The following TMEM17 variants were observed in gnomAD, a reference collection of about 807,000 sequenced individuals.
TMEM17 encodes transmembrane protein 17.
TMEM17 carries 15 observed loss-of-function variants against 19.1 expected under a neutral mutation model. The ratio of observed to expected loss-of-function variants is 0.78; its 90% CI spans 0.52 to 1.21. TMEM17 has a LOEUF of 1.21. TMEM17 is among the 50% of genes most tolerant of loss of function. The pLI, the probability that TMEM17 is intolerant of heterozygous loss-of-function variation, is 0.00. For synonymous variants in TMEM17, 103 were observed against 86.9 expected, an observed-to-expected ratio of 1.19 and a Z score of -1.03; for missense variants, 245 against 242.3, an observed-to-expected ratio of 1.01 and a Z score of -0.07.
the TMEM17 span, among the ~76,000 whole-genome samples, chr2:62,469,741 A>C: frequency 1.3e-5 from 2 of 152,216 alleles, no homozygotes; most frequent in Admixed American, 6.5e-5. Context: ...TGAGCATAGG[A>C]AAGTGTGCAA....
intron 1 of TMEM17, among the ~76,000 whole-genome samples, chr2:62,504,583 C>G (rs141773070): frequency 1.3e-5 from 2 of 152,216 alleles, no homozygotes; most frequent in East Asian, 3.9e-4. Context: ...AAATGAAAAT[C>G]AAATTAATAT....
At chr2:62,482,495 C>T in the TMEM17 span, among the ~76,000 whole-genome samples, 1 of 152,178 alleles carries the variant, frequency 6.6e-6, no homozygotes. Flanking sequence ...GGGAACTCAT[C>T]CAGTGCAGTT....
At chr2:62,472,047 G>A in the TMEM17 span, among the ~76,000 whole-genome samples, 3 of 152,204 alleles carry the variant, frequency 2.0e-5, no homozygotes, top group African/African-American at 7.2e-5. Context: ...CAACCTTGGC[G>A]GGGTTTCAGC....
the TMEM17 span, among the ~76,000 whole-genome samples, chr2:62,478,696 A>G: frequency 6.6e-6 from 1 of 152,166 alleles, no homozygotes; most frequent in Non-Finnish European, 1.5e-5. Flanking sequence ...TATTTCATGT[A>G]CTATGCTTCT....
intron 1 of TMEM17, among the ~76,000 whole-genome samples, chr2:62,505,652 C>T (rs1423733144): frequency 1.3e-5 from 2 of 152,232 alleles, no homozygotes; most frequent in East Asian, 3.8e-4. Context: ...GGCAAAACAA[C>T]TTGGGCCTTC....
the TMEM17 span, among the ~76,000 whole-genome samples, chr2:62,478,759 T>TAA: frequency 0.01 from 1,558 of 149,404 alleles, 30 homozygotes; most frequent in African/African-American, 0.036. Context: ...TTTCTTTATT[T>TAA]AAAAAAAAAA....
At chr2:62,465,688 A>G in the TMEM17 span, among the ~76,000 whole-genome samples, 1 of 152,160 alleles carries the variant, frequency 6.6e-6, no homozygotes, top group Non-Finnish European at 1.5e-5. Context: ...GTGCTCAAGA[A>G]GTTTGTTTTA....
chr2:62,455,022 A>G, the TMEM17 span, among the ~76,000 whole-genome samples: 1 of 152,168 alleles, frequency 6.6e-6, no homozygotes, highest in African/African-American at 2.4e-5. Flanking sequence ...AGCTTTATTG[A>G]AGGTCCAATT....
downstream of TMEM17, among the ~76,000 whole-genome samples, chr2:62,499,231 T>C (rs1427567750): frequency 6.6e-6 from 1 of 152,156 alleles, no homozygotes; most frequent in Non-Finnish European, 1.5e-5. Context: ...TTGTTATTAA[T>C]CTCTTAATTT....
chr2:62,503,301 C>A (rs1272304987), intron 1 of TMEM17, among the ~76,000 whole-genome samples: 1 of 152,200 alleles, frequency 6.6e-6, no homozygotes, highest in African/African-American at 2.4e-5. Context: ...TCAGTGTCAT[C>A]TTTTCCATCA....
chr2:62,483,599 A>ATTT, the TMEM17 span, among the ~76,000 whole-genome samples: 14 of 134,254 alleles, frequency 1.0e-4, no homozygotes, highest in Middle Eastern at 7.8e-3. Flanking sequence ...CCCAGGATAC[A>ATTT]TTTTTTTTTT....
the TMEM17 span, among the ~76,000 whole-genome samples, chr2:62,484,255 G>A: frequency 6.6e-6 from 1 of 152,220 alleles, no homozygotes; most frequent in South Asian, 2.1e-4. Context: ...GCGCTTTCCT[G>A]TTCCAGGGGT....
chr2:62,483,953 CA>C, the TMEM17 span, among the ~76,000 whole-genome samples: 3 of 152,080 alleles, frequency 2.0e-5, no homozygotes, highest in Non-Finnish European at 4.4e-5. Context: ...AGTCACCTCA[CA>C]AGGAAAGGAG....
chr2:62,456,536 C>T, the TMEM17 span, among the ~76,000 whole-genome samples: 1 of 152,238 alleles, frequency 6.6e-6, no homozygotes, highest in African/African-American at 2.4e-5. Flanking sequence ...AATCTCCCCA[C>T]TCAAGGGCTT....
At chr2:62,481,580 G>A in the TMEM17 span, among the ~76,000 whole-genome samples, 2 of 152,082 alleles carry the variant, frequency 1.3e-5, no homozygotes, top group South Asian at 4.2e-4. Flanking sequence ...GTCACACATG[G>A]CCTTTATTGT....
chr2:62,471,126 G>A, the TMEM17 span, among the ~76,000 whole-genome samples: 4 of 152,306 alleles, frequency 2.6e-5, no homozygotes, highest in Admixed American at 6.5e-5. Flanking sequence ...AGAGGCCCAC[G>A]AGCAATCAGC....
At chr2:62,476,486 G>C in the TMEM17 span, among the ~76,000 whole-genome samples, 1 of 152,174 alleles carries the variant, frequency 6.6e-6, no homozygotes, top group African/African-American at 2.4e-5. Context: ...TTATGATGGA[G>C]CTACACCCTG....
the TMEM17 span, among the ~76,000 whole-genome samples, chr2:62,479,972 T>A: frequency 1.2e-4 from 19 of 152,224 alleles, no homozygotes; most frequent in Non-Finnish European, 1.6e-4. Context: ...TATTTGTAGT[T>A]TTTTGAGGAA....
the TMEM17 span, among the ~76,000 whole-genome samples, chr2:62,462,720 A>C: frequency 6.6e-6 from 1 of 152,144 alleles, no homozygotes; most frequent in East Asian, 1.9e-4. Context: ...CCTACTTTGC[A>C]CTTGAGGGTC....
Sources: gnomAD v4.1 joint callset for allele counts (sites outside exome capture counted in the v4.1 genomes callset) on GRCh38, gnomAD v4.1.1 for gene constraint, MANE v1.5 for transcripts, NCBI Gene and HGNC (gene_info 2026-07-23, HGNC 2026-07-21) for gene names.